Variants in EFL1 observed in about 807,000 individuals in gnomAD.
The protein encoded by EFL1 is elongation factor like GTPase 1, also known as elongation factor-like GTPase 1.
EFL1 carries 76 observed loss-of-function variants against 126.7 expected under a neutral mutation model. That is an observed-to-expected ratio of 0.60 (90% confidence interval 0.50 to 0.73). The LOEUF is 0.73. Ranked by LOEUF, EFL1 falls within the 30% of genes least tolerant of loss-of-function variation. The probability of loss-of-function intolerance (pLI) is 0.00; values close to 1 mark genes in which losing one functional copy is unlikely to be tolerated. For synonymous variants in EFL1, 410 were observed against 448.4 expected (o/e 0.91, Z 1.08); for missense variants, 1,128 against 1,343.2 (o/e 0.84, Z 2.50).
intron 2 of EFL1, 141 bp from the exon 3 acceptor site, chr15:82,259,296 T>G: frequency 1.4e-6 from 1 of 713,546 alleles, no homozygotes; most frequent in Non-Finnish European, 2.4e-6. Context: ...CAAAAGAGAT[T>G]TATTAGACTT....
chr15:82,239,016 A>G (rs2074903005), intron 6 of EFL1, among the ~76,000 whole-genome samples: 1 of 152,152 alleles, frequency 6.6e-6, no homozygotes, highest in Non-Finnish European at 1.5e-5. Context: ...GAGAAAATGG[A>G]ACCTATTACT....
intron 14 of EFL1, among the ~76,000 whole-genome samples, chr15:82,216,974 A>G (rs1249968893): frequency 6.6e-6 from 1 of 152,196 alleles, no homozygotes; most frequent in Non-Finnish European, 1.5e-5. Context: ...GAAAAGCAGT[A>G]TTTAAAACAA....
intron 12 of EFL1, among the ~76,000 whole-genome samples, chr15:82,222,931 A>G (rs887828884): frequency 1.3e-5 from 2 of 152,216 alleles, no homozygotes; most frequent in African/African-American, 4.8e-5. Flanking sequence ...TTGAAGAAGC[A>G]AAGAAAAGAG....
At chr15:82,211,785 T>C (rs1329053138) in intron 15 of EFL1, among the ~76,000 whole-genome samples, 3 of 152,170 alleles carry the variant, frequency 2.0e-5, no homozygotes, top group Non-Finnish European at 2.9e-5. Context: ...TTCTATGACT[T>C]TGAGGCAGGT....
intron 14 of EFL1, among the ~76,000 whole-genome samples, chr15:82,215,179 C>T (rs2074632491): frequency 6.6e-6 from 1 of 152,304 alleles, no homozygotes; most frequent in Non-Finnish European, 1.5e-5. Flanking sequence ...ATGTGAACCA[C>T]ATCATACACC....
At chr15:82,221,997 T>C (rs1354242515) in intron 12 of EFL1, among the ~76,000 whole-genome samples, 1 of 152,226 alleles carries the variant, frequency 6.6e-6, no homozygotes, top group Non-Finnish European at 1.5e-5. Flanking sequence ...ACAACTTTCC[T>C]TGTTTCTAGA....
chr15:82,178,091 G>C (rs1002260730), intron 15 of EFL1, among the ~76,000 whole-genome samples: 2 of 152,210 alleles, frequency 1.3e-5, no homozygotes, highest in African/African-American at 4.8e-5. Flanking sequence ...GGATACTCAG[G>C]TGTCTTTTCT....
chr15:82,141,892 A>C (rs2073792848), intron 18 of EFL1, among the ~76,000 whole-genome samples: 1 of 152,206 alleles, frequency 6.6e-6, no homozygotes, highest in Non-Finnish European at 1.5e-5. Flanking sequence ...AACTGAATAT[A>C]GTTAACATGT....
Position 82,151,821 on chromosome 15 carries a change from AG to A in EFL1, c.2632del (p.Leu878SerfsTer22). 6.2e-7 allele frequency: 1 copy of A among 1,614,106 alleles called. No individual in the cohort carries two copies. The highest frequency in any genetic ancestry group is 8.5e-7 in the Non-Finnish European group (1 of 1,180,016). Reference protein sequence around the residue: ...SIVSGFQLATLSGPMCEEPLM... With the variant: ...SIVSGFQLATXSGPMCEEPLM... Reference sequence around the variant, plus strand: ...AGGCTCCTCACACATGGGGCCAGAGAGGGTTGCTAGTTGGAAGCCACTCACA... The same window carrying A: ...AGGCTCCTCACACATGGGGCCAGAGAGGTTGCTAGTTGGAAGCCACTCACA... On this transcript the variant is annotated frameshift_variant, in exon 18 of 20. Transcript: ENST00000268206. LOFTEE classifies it high-confidence loss of function.
chr15:82,211,571 CACACACACACTA>C (rs2074587996), intron 15 of EFL1, among the ~76,000 whole-genome samples: 1 of 130,994 alleles, frequency 7.6e-6, no homozygotes, highest in Non-Finnish European at 1.7e-5. Flanking sequence ...CACACACACA[CACACACACACTA>C]GACACATACT....
intron 15 of EFL1, among the ~76,000 whole-genome samples, chr15:82,212,512 A>C (rs1367430132): frequency 2.6e-5 from 4 of 152,238 alleles, no homozygotes; most frequent in Admixed American, 1.3e-4. Flanking sequence ...TCAATTAATA[A>C]AAGAAAAACA....
chr15:82,166,076 C>T (rs1333995192), intron 15 of EFL1, among the ~76,000 whole-genome samples: 1 of 152,202 alleles, frequency 6.6e-6, no homozygotes, highest in Non-Finnish European at 1.5e-5. Context: ...TCCCTAGAGG[C>T]TAAGGGTTTA....
chr15:82,175,740 C>T (rs1256739728), intron 15 of EFL1, among the ~76,000 whole-genome samples: 1 of 152,100 alleles, frequency 6.6e-6, no homozygotes, highest in Non-Finnish European at 1.5e-5. Flanking sequence ...GTAATCCCAG[C>T]TACTCGGAAG....
At chr15:82,206,648 G>A (rs1004031498) in intron 15 of EFL1, among the ~76,000 whole-genome samples, 2 of 151,936 alleles carry the variant, frequency 1.3e-5, no homozygotes, top group African/African-American at 2.4e-5. Flanking sequence ...TATTAACACT[G>A]GTCTCCATTA....
chr15:82,207,621 T>A (rs1478806403), intron 15 of EFL1, among the ~76,000 whole-genome samples: 1 of 152,060 alleles, frequency 6.6e-6, no homozygotes, highest in Non-Finnish European at 1.5e-5. Flanking sequence ...AAAATATGCA[T>A]ATATATGGAC....
chr15:82,259,203 G>C (rs566900243), intron 2 of EFL1, 48 bp from the exon 3 acceptor site: 1 of 1,513,998 alleles, frequency 6.6e-7, no homozygotes, highest in African/African-American at 1.4e-5. Context: ...TTTTAAAAGG[G>C]GTCATGGATC....
At chr15:82,178,520 T>C (rs1395496186) in intron 15 of EFL1, among the ~76,000 whole-genome samples, 3 of 152,210 alleles carry the variant, frequency 2.0e-5, no homozygotes, top group African/African-American at 7.2e-5. Context: ...GGTGACCCAA[T>C]GTCTTACAGA....
In EFL1 at chr15:82,164,875, C is replaced by T. The variant is rs147231727; in HGVS notation, c.1751-891G>A. On this transcript the variant is annotated intron_variant, in intron 15 of 19. Coordinates refer to ENST00000268206, the MANE Select transcript of EFL1 (RefSeq NM_024580.6). ...TCGTGCCACTGCACTCCAGTGTGGG[C>T]GACAGAGCGAGATTCCACCTCAAAA... 8.3e-3 allele frequency among the ~76,000 whole-genome samples: 1,160 copies of T among 140,290 alleles called. 14 individuals are homozygous for T. Among genetic ancestry groups the T allele is most frequent in the African/African-American group, 0.029 (1,087 of 37,482 alleles). 92.0% of individuals were successfully genotyped at this position (140,290 alleles called of 152,430 possible). A position where few individuals can be genotyped will look rare whatever the true frequency, so the allele number is the denominator to read the frequency against.
intron 14 of EFL1, among the ~76,000 whole-genome samples, chr15:82,215,838 CT>C (rs2074639862): frequency 6.6e-6 from 1 of 152,126 alleles, no homozygotes; most frequent in East Asian, 1.9e-4. Context: ...AAATGATGAC[CT>C]TTCAGGCACA....
Sources: gnomAD v4.1 joint callset for allele counts (sites outside exome capture counted in the v4.1 genomes callset) on GRCh38, gnomAD v4.1.1 for gene constraint, MANE v1.5 for transcripts, NCBI Gene and HGNC (gene_info 2026-07-23, HGNC 2026-07-21) for gene names.